The following SH3TC2 variants were observed in gnomAD, a reference collection of about 807,000 sequenced individuals.
SH3TC2 encodes SH3 domain and tetratricopeptide repeat-containing protein 2.
Under a neutral mutation model 124.5 loss-of-function variants are expected in SH3TC2, and 87 were observed. The observed-to-expected ratio is 0.70, with a 90% CI of 0.59 to 0.84. The LOEUF is 0.84. Among genes scored for constraint, SH3TC2 ranks in the 40% least tolerant of loss-of-function variants. The pLI is 0.00. For synonymous variants in SH3TC2, 634 were observed against 628.5 expected, an observed-to-expected ratio of 1.01 and a Z score of -0.13; for missense variants, 1,536 against 1,566.4, an observed-to-expected ratio of 0.98 and a Z score of 0.33.
chr5:149,000,186 G>A lies in SH3TC2; in HGVS notation c.*4525C>T, dbSNP rs1304672131. On this transcript the variant is annotated 3_prime_UTR_variant, in exon 17 of 17. Coordinates refer to ENST00000515425, the MANE Select transcript of SH3TC2 (RefSeq NM_024577.4). ...AATCATATTACATAATATATCATTT[G>A]CCCCTTTCCTGTCACCCAGCTGAAT... is the stretch of plus-strand genomic sequence containing the variant. 6.6e-6 allele frequency among the ~76,000 whole-genome samples: 1 copy of A among 152,088 alleles called. No individual in the cohort carries two copies. Among genetic ancestry groups the A allele is most frequent in the African/African-American group, 2.4e-5 (1 of 41,422 alleles).
Position 148,988,494 on chromosome 5 carries a change from C to T in SH3TC2, c.*16217G>A, listed in dbSNP as rs950932536. 4.6e-5 allele frequency among the ~76,000 whole-genome samples: 7 copies of T among 152,192 alleles called. No homozygotes were observed. Among genetic ancestry groups the T allele is most frequent in the Non-Finnish European group, 1.0e-4 (7 of 68,026 alleles). ...GCTCCCCGTTTAATCTCCTGGAATG[C>T]TAGCTCTTGGAATGCACTCTCTTGG... On this transcript the variant is annotated 3_prime_UTR_variant, in exon 17 of 17. Coordinates refer to ENST00000515425, the MANE Select transcript of SH3TC2 (RefSeq NM_024577.4).
At chr5:149,056,666 G>A (rs772796934) in intron 1 of SH3TC2, among the ~76,000 whole-genome samples, 56 of 152,088 alleles carry the variant, frequency 3.7e-4, no homozygotes, top group Non-Finnish European at 5.9e-4. Context: ...CAGAGGCCTC[G>A]GATCCCATGA....
intron 8 of SH3TC2, chr5:149,034,595 T>C: frequency 3.8e-6 from 1 of 260,516 alleles, no homozygotes; most frequent in Non-Finnish European, 7.9e-6. Context: ...TCTTTTTAAG[T>C]TCTCTATTTC....
intron 12 of SH3TC2, among the ~76,000 whole-genome samples, chr5:149,015,690 A>G (rs557203599): frequency 6.6e-5 from 10 of 152,124 alleles, no homozygotes; most frequent in African/African-American, 2.4e-4. Flanking sequence ...TGACCCCAAT[A>G]CACCTGCATT....
At chr5:149,007,360 A>G (rs1241490055) in intron 15 of SH3TC2, 9 of 596,614 alleles carry the variant, frequency 1.5e-5, no homozygotes, top group East Asian at 1.4e-4. Context: ...AGGATGGGTC[A>G]AGGTTTCCTG....
At chr5:149,052,088 G>T in intron 2 of SH3TC2, 54 bp downstream of exon 2, 1 of 1,223,206 alleles carries the variant, frequency 8.2e-7, no homozygotes. Flanking sequence ...AGATAAAGAG[G>T]TTATCGCAAT....
chr5:149,028,605 G>A (rs1421851320), intron 10 of SH3TC2, 51 bp from the exon 11 acceptor site: 1 of 1,614,198 alleles, frequency 6.2e-7, no homozygotes. Context: ...ACCTAAGGTG[G>A]CCGCTCTTGG....
intron 12 of SH3TC2, among the ~76,000 whole-genome samples, chr5:149,018,448 A>G (rs1753911389): frequency 6.6e-6 from 1 of 152,200 alleles, no homozygotes; most frequent in Non-Finnish European, 1.5e-5. Flanking sequence ...GTGGCTGGGA[A>G]GGCCTCACAA....
At chr5:149,036,746 G>A (rs1561768217) in intron 8 of SH3TC2, among the ~76,000 whole-genome samples, 1 of 152,130 alleles carries the variant, frequency 6.6e-6, no homozygotes, top group African/African-American at 2.4e-5. Flanking sequence ...CACCTGGGGA[G>A]CTTTTATCAA....
chr5:149,004,714 G>A lies in SH3TC2; in HGVS notation c.3864C>T (p.Leu1288=), dbSNP rs773379330. 6.2e-7 allele frequency: 1 copy of A among 1,613,036 alleles called. No individual in the cohort carries two copies. The highest frequency in any genetic ancestry group is 8.5e-7 in the Non-Finnish European group (1 of 1,179,946). Residue 1288 remains leucine, a synonymous_variant, in exon 17 of 17, where the codon CTC becomes CTT. Coordinates refer to ENST00000515425, the MANE Select transcript of SH3TC2 (RefSeq NM_024577.4). ...ARWLSGGGLA[L] is the part of the protein sequence containing the mutation. ...TCCAGAGACAGGACAGCTTTCCTCA[G>A]AGGGCCAGGCCACCACCACTCAGCC... is the stretch of plus-strand genomic sequence containing the variant.
chr5:149,005,939 C>A (rs1753680760), intron 16 of SH3TC2, among the ~76,000 whole-genome samples: 1 of 152,008 alleles, frequency 6.6e-6, no homozygotes, highest in Non-Finnish European at 1.5e-5. Context: ...GATTTGCAAC[C>A]AACACAACTC....
intron 8 of SH3TC2, among the ~76,000 whole-genome samples, chr5:149,037,014 T>C (rs1368761537): frequency 6.6e-6 from 1 of 152,174 alleles, no homozygotes; most frequent in Non-Finnish European, 1.5e-5. Flanking sequence ...TCCAGTCATA[T>C]AATATGTCAC....
At position 149,027,057 on chromosome 5, in the gene SH3TC2, T is replaced by C; in HGVS notation, c.2675A>G (p.Gln892Arg). The change falls in exon 11 of 17, where the codon CAG (glutamine) becomes CGG (arginine). Residue 892 changes from glutamine (Q) to arginine (R), a missense_variant. This residue lies in a region of SH3TC2 where 1,102 missense variants were observed against 1,098.6 expected (regional missense o/e 1.00). Coordinates refer to ENST00000515425, the MANE Select transcript of SH3TC2 (RefSeq NM_024577.4). ...LGHLSLKSWA[Q>R]HPARNYLLQA... The stretch of plus-strand genomic sequence containing the variant: ...CAGGAGATAGTTTCTGGCTGGATGC[T>C]GAGCCCAGGACTTAAGGCTCAGGTG... 1.2e-6 allele frequency: 2 copies of C among 1,614,208 alleles called. No homozygotes were observed. The highest frequency in any genetic ancestry group is 1.7e-6 in the Non-Finnish European group (2 of 1,180,018).
intron 1 of SH3TC2, among the ~76,000 whole-genome samples, chr5:149,053,149 C>T (rs1416621855): frequency 6.6e-6 from 1 of 152,172 alleles, no homozygotes; most frequent in Non-Finnish European, 1.5e-5. Flanking sequence ...CTTTAATGTG[C>T]TTATAAAATT....
chr5:149,037,264 T>C (rs1365335932), intron 8 of SH3TC2, among the ~76,000 whole-genome samples: 3 of 151,416 alleles, frequency 2.0e-5, no homozygotes, highest in Non-Finnish European at 2.9e-5. Flanking sequence ...TTAATTCACA[T>C]GTCCCCTTCT....
rs10057179 is a variant in SH3TC2, at chr5:149,030,353, G to A, written c.1135+1201C>T. Among the ~76,000 whole-genome samples, 240 of 152,356 alleles carry A rather than the reference G, an allele frequency of 1.6e-3. 1 individual carries two copies. Among genetic ancestry groups the A allele is most frequent in the African/African-American group, 5.4e-3 (224 of 41,584 alleles). ...CACAACCATAAGGTGCGGACTGCACGCCGCAGAGCTGCACTCCTGATCTTT... is the reference window on the plus strand; with the variant it reads ...CACAACCATAAGGTGCGGACTGCACACCGCAGAGCTGCACTCCTGATCTTT... On this transcript the variant is annotated intron_variant, in intron 9 of 16. Transcript: ENST00000515425.
intron 1 of SH3TC2, among the ~76,000 whole-genome samples, chr5:149,062,661 C>T (rs1003508311): frequency 7.9e-5 from 12 of 152,142 alleles, no homozygotes; most frequent in Admixed American, 2.6e-4. Flanking sequence ...GGGGGGATCT[C>T]GGGAAGAAAG....
At chr5:149,059,189 C>T (rs1754702965) in intron 1 of SH3TC2, among the ~76,000 whole-genome samples, 1 of 152,062 alleles carries the variant, frequency 6.6e-6, no homozygotes, top group South Asian at 2.1e-4. Context: ...AAACTAAAGG[C>T]CCAGAGAGGA....
At position 148,997,523 on chromosome 5, in the gene SH3TC2, T is replaced by G. The variant is rs1753531538; in HGVS notation, c.*7188A>C. 6.6e-6 allele frequency among the ~76,000 whole-genome samples: 1 copy of G among 152,236 alleles called. No homozygotes were observed. The highest frequency in any genetic ancestry group is 2.1e-4 in the South Asian group (1 of 4,826). ...GGAAAGTCAGTTCTCTCCAATCCTG[T>G]TCTAAAGTAACCAATTTTGATTGAT... On this transcript the variant is annotated 3_prime_UTR_variant, in exon 17 of 17. Coordinates refer to ENST00000515425, the MANE Select transcript of SH3TC2 (RefSeq NM_024577.4).
Sources: gnomAD v4.1 joint callset for allele counts (sites outside exome capture counted in the v4.1 genomes callset) on GRCh38, gnomAD v4.1.1 for gene constraint, gnomAD v4.1.1 regional missense constraint, MANE v1.5 for transcripts, NCBI Gene and HGNC (gene_info 2026-07-23, HGNC 2026-07-21) for gene names.